The following DGKB variants were observed in gnomAD, a reference collection of about 807,000 sequenced individuals.
The protein encoded by DGKB is 90 kDa diacylglycerol kinase.
Under a neutral mutation model 114.3 loss-of-function variants are expected in DGKB, and 67 were observed. The observed-to-expected ratio is 0.59, with a 90% confidence interval of 0.48 to 0.72. The LOEUF is 0.72. Ranked by LOEUF, DGKB falls within the 30% of genes least tolerant of loss-of-function variation. DGKB has a pLI of 0.00. For synonymous variants in DGKB, 398 were observed against 323.1 expected (o/e 1.23, Z -2.49); for missense variants, 907 against 975.2 (o/e 0.93, Z 0.93).
At chr7:14,770,263 T>G (rs1475961812) in intron 2 of DGKB, among the ~76,000 whole-genome samples, 2 of 152,160 alleles carry the variant, frequency 1.3e-5, no homozygotes, top group Admixed American at 1.3e-4. Flanking sequence ...GACACTGGTC[T>G]AACAGCAGCG....
intron 2 of DGKB, among the ~76,000 whole-genome samples, chr7:14,800,709 C>T (rs940420052): frequency 6.6e-6 from 1 of 152,184 alleles, no homozygotes; most frequent in East Asian, 1.9e-4. Flanking sequence ...CCCAATGTTT[C>T]TACTGAACTG....
chr7:14,559,433 C>A (rs1477719384), intron 20 of DGKB, among the ~76,000 whole-genome samples: 2 of 152,090 alleles, frequency 1.3e-5, no homozygotes, highest in African/African-American at 4.8e-5. Context: ...CCTCAAAAAA[C>A]CCTCTGTAAA....
intron 21 of DGKB, among the ~76,000 whole-genome samples, chr7:14,434,265 A>G (rs1828914313): frequency 6.6e-6 from 1 of 152,146 alleles, no homozygotes. Flanking sequence ...TGTCCCAACT[A>G]TGTCCACGTC....
At chr7:14,366,849 T>C (rs1489648326) in intron 21 of DGKB, among the ~76,000 whole-genome samples, 1 of 152,186 alleles carries the variant, frequency 6.6e-6, no homozygotes, top group East Asian at 1.9e-4. Context: ...TTCTTAATTA[T>C]ATACTTTATT....
chr7:14,644,050 G>A (rs925022617), intron 13 of DGKB, among the ~76,000 whole-genome samples: 2 of 151,546 alleles, frequency 1.3e-5, no homozygotes, highest in African/African-American at 4.9e-5. Flanking sequence ...TTATGACAGA[G>A]CCTCCACAAA....
At chr7:14,301,722 C>T (rs977408323) in intron 23 of DGKB, among the ~76,000 whole-genome samples, 4 of 152,036 alleles carry the variant, frequency 2.6e-5, no homozygotes, top group African/African-American at 7.2e-5. Context: ...CATTTGAAGG[C>T]TTAGAAGACT....
chr7:14,468,491 T>TAATC (rs1563250323), intron 21 of DGKB, among the ~76,000 whole-genome samples: 4 of 151,832 alleles, frequency 2.6e-5, no homozygotes, highest in East Asian at 1.9e-4. Flanking sequence ...TTATCTGCAG[T>TAATC]TTCTTCCCTT....
chr7:14,358,398 C>T (rs1000570786), intron 21 of DGKB, among the ~76,000 whole-genome samples: 1 of 152,096 alleles, frequency 6.6e-6, no homozygotes, highest in African/African-American at 2.4e-5. Context: ...GAAGCTTGTG[C>T]ATGCCTCACG....
At chr7:14,574,430 T>C in intron 19 of DGKB, 58 bp from the exon 20 acceptor site, 3 of 1,480,278 alleles carry the variant, frequency 2.0e-6, no homozygotes, top group Non-Finnish European at 2.8e-6. Context: ...AAAAGCTGTA[T>C]TTTTATGTTT....
intron 10 of DGKB, among the ~76,000 whole-genome samples, chr7:14,684,800 C>A (rs1256947769): frequency 1.3e-5 from 2 of 151,730 alleles, no homozygotes; most frequent in African/African-American, 4.8e-5. Flanking sequence ...AATTTTAATG[C>A]AAATCTATTT....
intron 1 of DGKB, among the ~76,000 whole-genome samples, chr7:14,897,698 T>C (rs1167763983): frequency 6.6e-6 from 1 of 151,976 alleles, no homozygotes; most frequent in Non-Finnish European, 1.5e-5. Flanking sequence ...ATTCTAAATA[T>C]GTAACACCAC....
At chr7:14,849,697 G>A (rs1849093695) in intron 1 of DGKB, among the ~76,000 whole-genome samples, 1 of 152,174 alleles carries the variant, frequency 6.6e-6, no homozygotes, top group Non-Finnish European at 1.5e-5. Context: ...ATGAGGTGGA[G>A]TAATAAATTA....
chr7:14,724,234 T>C (rs1484366642), intron 5 of DGKB, among the ~76,000 whole-genome samples: 1 of 152,216 alleles, frequency 6.6e-6, no homozygotes. Flanking sequence ...ATACTATTGG[T>C]CATAATGAGT....
At chr7:14,899,716 G>A (rs1782683056) in intron 1 of DGKB, among the ~76,000 whole-genome samples, 1 of 152,012 alleles carries the variant, frequency 6.6e-6, no homozygotes, top group Admixed American at 6.6e-5. Flanking sequence ...CTTTGGATCT[G>A]GGGTCAATGC....
intron 20 of DGKB, among the ~76,000 whole-genome samples, chr7:14,487,284 A>T (rs772158544): frequency 1.3e-5 from 2 of 152,158 alleles, no homozygotes; most frequent in Non-Finnish European, 2.9e-5. Flanking sequence ...CTTGATTTTA[A>T]TTTTCATGTG....
At chr7:14,909,247 G>A (rs530955538) in intron 1 of DGKB, among the ~76,000 whole-genome samples, 12 of 152,024 alleles carry the variant, frequency 7.9e-5, no homozygotes, top group South Asian at 4.2e-4. Context: ...TTCATCCTAC[G>A]GTGAATAATG....
At chr7:14,581,049 C>A in intron 18 of DGKB, 98 bp from the exon 19 acceptor site, 1 of 669,446 alleles carries the variant, frequency 1.5e-6, no homozygotes, top group Non-Finnish European at 2.4e-6. Context: ...GAAGGAATTC[C>A]AATAGGTACT....
At chr7:14,643,694 C>A (rs1329363941) in intron 13 of DGKB, among the ~76,000 whole-genome samples, 1 of 152,120 alleles carries the variant, frequency 6.6e-6, no homozygotes, top group Admixed American at 6.5e-5. Flanking sequence ...GCTTGAGAGC[C>A]ACCTGTCTTA....
chr7:14,625,011 A>G (rs2128825816), intron 14 of DGKB, among the ~76,000 whole-genome samples: 1 of 152,120 alleles, frequency 6.6e-6, no homozygotes, highest in East Asian at 1.9e-4. Context: ...AAATAAATAA[A>G]TATATAAATA....
Sources: gnomAD v4.1 joint callset for allele counts (sites outside exome capture counted in the v4.1 genomes callset) on GRCh38, gnomAD v4.1.1 for gene constraint, MANE v1.5 for transcripts, NCBI Gene and HGNC (gene_info 2026-07-23, HGNC 2026-07-21) for gene names.